The following NRXN3 variants were observed in gnomAD, a reference collection of about 807,000 sequenced individuals.
The protein encoded by NRXN3 is neurexin III.
Under a neutral mutation model 137.6 loss-of-function variants are expected in NRXN3, and 32 were observed. The observed-to-expected ratio is 0.23, with a 90% confidence interval of 0.18 to 0.31. The LOEUF is 0.31. Among genes scored for constraint, NRXN3 ranks in the 10% least tolerant of loss-of-function variants. NRXN3 has a pLI of 1.00. For synonymous variants in NRXN3, 798 were observed against 784.5 expected, an observed-to-expected ratio of 1.02 and a Z score of -0.29; for missense variants, 1,574 against 2,062.5, an observed-to-expected ratio of 0.76 and a Z score of 4.59.
At chr14:78,954,637 T>C (rs1438685895) in intron 10 of NRXN3, among the ~76,000 whole-genome samples, 1 of 152,106 alleles carries the variant, frequency 6.6e-6, no homozygotes, top group Non-Finnish European at 1.5e-5. Flanking sequence ...GCTAGTTTTT[T>C]TGTATTTTTA....
chr14:79,451,329 T>A (rs984336848), intron 15 of NRXN3, among the ~76,000 whole-genome samples: 1 of 152,202 alleles, frequency 6.6e-6, no homozygotes, highest in Non-Finnish European at 1.5e-5. Context: ...AGGTCATTTT[T>A]AAAATAGTGG....
chr14:78,551,590 A>C (rs1600332806), intron 4 of NRXN3, among the ~76,000 whole-genome samples: 10 of 126,200 alleles, frequency 7.9e-5, no homozygotes, highest in African/African-American at 1.8e-4. Context: ...CTCCCCTCTC[A>C]TTTCCCTTCC....
intron 16 of NRXN3, among the ~76,000 whole-genome samples, chr14:79,531,885 A>G (rs2097172564): frequency 1.3e-5 from 2 of 152,228 alleles, no homozygotes. Context: ...GACATAACAT[A>G]TGATCTAAAA....
chr14:79,523,618 G>A (rs1299054803), intron 16 of NRXN3, among the ~76,000 whole-genome samples: 4 of 152,144 alleles, frequency 2.6e-5, no homozygotes, highest in African/African-American at 9.7e-5. Flanking sequence ...GTCATTTCAG[G>A]AACTGCTTTA....
intron 15 of NRXN3, among the ~76,000 whole-genome samples, chr14:79,320,685 CTATT>C (rs2089839416): frequency 6.6e-6 from 1 of 152,106 alleles, no homozygotes; most frequent in Non-Finnish European, 1.5e-5. Context: ...CTGTGGGAAA[CTATT>C]TAAAAGATTA....
intron 15 of NRXN3, among the ~76,000 whole-genome samples, chr14:79,318,138 A>C (rs529883777): frequency 1.3e-5 from 2 of 152,384 alleles, no homozygotes; most frequent in South Asian, 4.1e-4. Flanking sequence ...CATTTCCAAA[A>C]AAATATAGTG....
At chr14:78,846,890 C>T (rs937434174) in intron 10 of NRXN3, among the ~76,000 whole-genome samples, 1 of 152,056 alleles carries the variant, frequency 6.6e-6, no homozygotes, top group African/African-American at 2.4e-5. Flanking sequence ...AAACACTGTG[C>T]CTAGTTTCTT....
In NRXN3 at chr14:79,026,168, G is replaced by A. The variant is rs140582370; in HGVS notation, c.3262+38027G>A. Among the ~76,000 whole-genome samples, 916 of 152,230 alleles carry A rather than the reference G, an allele frequency of 6.0e-3. 3 individuals are homozygous for A. Among genetic ancestry groups the A allele is most frequent in the Non-Finnish European group, 8.8e-3 (601 of 67,994 alleles). ...AGTAAATAAGCCTATAGTATAAGGC[G>A]CAGCAAAGCTTAATGAATAGATTTT... On this transcript the variant is annotated intron_variant, in intron 15 of 20. Transcript: ENST00000335750.
At chr14:78,248,009 A>G (rs1415665875) in intron 2 of NRXN3, among the ~76,000 whole-genome samples, 2 of 152,096 alleles carry the variant, frequency 1.3e-5, no homozygotes, top group African/African-American at 4.8e-5. Context: ...CTCTACTCCA[A>G]ATCTACCTAT....
At chr14:79,638,934 C>T (rs760909737) in intron 16 of NRXN3, among the ~76,000 whole-genome samples, 18 of 152,280 alleles carry the variant, frequency 1.2e-4, no homozygotes, top group Admixed American at 9.8e-4. Flanking sequence ...GTGCATTAAT[C>T]GAGAGTTATT....
chr14:78,213,928 G>C (rs2062997814), intron 1 of NRXN3, among the ~76,000 whole-genome samples: 1 of 152,216 alleles, frequency 6.6e-6, no homozygotes, highest in African/African-American at 2.4e-5. Flanking sequence ...GATTTGCTCA[G>C]CTCATGTGAG....
rs75183135 is a variant in NRXN3 at position 78,592,594 on chromosome 14, A to C, written c.758-52526A>C. Among the ~76,000 whole-genome samples the C allele has an allele frequency of 5.7e-3, 869 of 152,342 alleles. 6 individuals are homozygous for C. The highest frequency in any genetic ancestry group is 0.02 in the African/African-American group (829 of 41,578). Reference sequence around the variant, plus strand: ...GAGAGAATATAATTGTCTAAGGATGACAACAGGATCAATTTCCCTTTGACA... The same window carrying C: ...GAGAGAATATAATTGTCTAAGGATGCCAACAGGATCAATTTCCCTTTGACA... On this transcript the variant is annotated intron_variant, in intron 4 of 20. Coordinates refer to ENST00000335750, the MANE Select transcript of NRXN3 (RefSeq NM_001330195.2).
At chr14:79,252,128 AT>A (rs2153377979) in intron 15 of NRXN3, among the ~76,000 whole-genome samples, 1 of 152,306 alleles carries the variant, frequency 6.6e-6, no homozygotes, top group South Asian at 2.1e-4. Context: ...TAAATATCCT[AT>A]TGTACTTAAA....
At chr14:79,478,662 C>G (rs1015999329) in intron 16 of NRXN3, among the ~76,000 whole-genome samples, 1 of 152,034 alleles carries the variant, frequency 6.6e-6, no homozygotes, top group Non-Finnish European at 1.5e-5. Context: ...GTGAGCATGC[C>G]GTGTCATCAT....
intron 15 of NRXN3, among the ~76,000 whole-genome samples, chr14:79,237,873 A>T (rs1468614046): frequency 6.6e-6 from 1 of 152,174 alleles, no homozygotes; most frequent in Non-Finnish European, 1.5e-5. Flanking sequence ...AGCATTAGTT[A>T]TCTGTGAAAT....
intron 15 of NRXN3, among the ~76,000 whole-genome samples, chr14:79,381,884 A>G (rs561308109): frequency 2.1e-4 from 32 of 152,316 alleles, no homozygotes; most frequent in Admixed American, 1.8e-3. Context: ...ACTTCCATAT[A>G]TAATACAACT....
At chr14:79,486,208 G>A (rs17836120) in intron 16 of NRXN3, among the ~76,000 whole-genome samples, 1 of 152,054 alleles carries the variant, frequency 6.6e-6, no homozygotes, top group Non-Finnish European at 1.5e-5. Context: ...CAGCCTCTGA[G>A]GGCCCTGCAA....
intron 15 of NRXN3, among the ~76,000 whole-genome samples, chr14:79,208,928 T>G (rs1371515221): frequency 8.1e-5 from 12 of 148,562 alleles, no homozygotes. Flanking sequence ...GCAAGACTTT[T>G]GTGAAAAGTT....
At chr14:79,434,469 G>A (rs2095811882) in intron 15 of NRXN3, among the ~76,000 whole-genome samples, 1 of 152,214 alleles carries the variant, frequency 6.6e-6, no homozygotes, top group African/African-American at 2.4e-5. Flanking sequence ...CTCTCAGAGT[G>A]GGTCAGGAAA....
Sources: allele counts gnomAD v4.1 joint callset (sites outside exome capture counted in the v4.1 genomes callset), GRCh38; gene constraint gnomAD v4.1.1; transcripts MANE v1.5; gene names NCBI Gene and HGNC (gene_info 2026-07-23, HGNC 2026-07-21).